The following SAMD12 variants were observed in gnomAD, a reference collection of about 807,000 sequenced individuals.
SAMD12 encodes sterile alpha motif domain-containing protein 12.
A neutral mutation model predicts 15.0 loss-of-function variants in SAMD12; 9 were observed. The ratio of observed to expected loss-of-function variants is 0.60; its 90% CI spans 0.36 to 1.05. The LOEUF (loss-of-function observed/expected upper bound fraction) is 1.05. Ranked by LOEUF, SAMD12 falls within the 50% of genes least tolerant of loss-of-function variation. The probability of loss-of-function intolerance (pLI) is 0.01; values close to 1 mark genes in which losing one functional copy is unlikely to be tolerated. For synonymous variants in SAMD12, 86 were observed against 90.1 expected (o/e 0.96, Z 0.25); for missense variants, 230 against 234.2 (o/e 0.98, Z 0.12).
chr8:118,163,515 T>C, the SAMD12 span, among the ~76,000 whole-genome samples: 1 of 152,178 alleles, frequency 6.6e-6, no homozygotes, highest in South Asian at 2.1e-4. Context: ...TAGAACCACC[T>C]GGGGGAGCGT....
chr8:118,378,617 C>T lies in SAMD12; in HGVS notation c.*800G>A, dbSNP rs1365548512. On this transcript the variant is annotated 3_prime_UTR_variant, in exon 4 of 4. Transcript: ENST00000314727. The stretch of plus-strand genomic sequence containing the variant: ...TGGCTGACCCAGATTTCTCCAATAT[C>T]GGTATGCATGCAATTACAATATTCT... 9.1e-6 allele frequency: 9 copies of T among 984,970 alleles called. No individual in the cohort carries two copies. The highest frequency in any genetic ancestry group is 1.1e-4 in the East Asian group (1 of 8,820). The allele number at this position is 984,970 out of a possible 1,614,324, so 61.0% of individuals were successfully genotyped here. A position where few individuals can be genotyped will look rare whatever the true frequency, so the allele number is the denominator to read the frequency against.
chr8:118,298,180 A>C (rs1418149941), intron 4 of SAMD12, among the ~76,000 whole-genome samples: 1 of 152,216 alleles, frequency 6.6e-6, no homozygotes, highest in Non-Finnish European at 1.5e-5. Context: ...GACATCTTTA[A>C]ACCTTTTAAC....
At chr8:118,573,900 T>C (rs893636063) in intron 2 of SAMD12, among the ~76,000 whole-genome samples, 9 of 152,208 alleles carry the variant, frequency 5.9e-5, no homozygotes, top group Non-Finnish European at 1.3e-4. Context: ...GGCATTGATA[T>C]TGCAGCAGTG....
chr8:118,584,453 G>C lies in SAMD12; in HGVS notation c.14-3560C>G, dbSNP rs543309537. Among the ~76,000 whole-genome samples, 222 of 152,048 alleles carry C rather than the reference G, an allele frequency of 1.5e-3. 1 individual carries two copies. The highest frequency in any genetic ancestry group is 4.1e-3 in the African/African-American group (171 of 41,454). ...GTTATTTACTTAATTTAATGGGCTT[G>C]GCAGCTCACTGGTCGGCTTCGAGAC... On this transcript the variant is annotated intron_variant, in intron 1 of 3. Transcript: ENST00000314727.
chr8:118,228,110 C>G (rs1388951541), intron 4 of SAMD12, among the ~76,000 whole-genome samples: 1 of 152,178 alleles, frequency 6.6e-6, no homozygotes, highest in Non-Finnish European at 1.5e-5. Context: ...GGATCCTCAT[C>G]TCTCACCTTA....
At chr8:118,287,210 C>T (rs921673601) in intron 4 of SAMD12, among the ~76,000 whole-genome samples, 2 of 151,618 alleles carry the variant, frequency 1.3e-5, no homozygotes, top group Admixed American at 6.6e-5. Flanking sequence ...CTGCAAGCTC[C>T]GCCTCCCGGG....
At chr8:118,296,706 T>C (rs530556580) in intron 4 of SAMD12, among the ~76,000 whole-genome samples, 3 of 152,352 alleles carry the variant, frequency 2.0e-5, no homozygotes, top group East Asian at 3.9e-4. Flanking sequence ...TTATCTTTAT[T>C]GTGTATTCAT....
chr8:118,312,183 C>T (rs548079813), intron 4 of SAMD12, among the ~76,000 whole-genome samples: 1 of 152,152 alleles, frequency 6.6e-6, no homozygotes, highest in Non-Finnish European at 1.5e-5. Context: ...CCCTACACAC[C>T]CTGCAGTGCT....
intron 3 of SAMD12, among the ~76,000 whole-genome samples, chr8:118,422,231 G>A (rs1822030142): frequency 6.6e-6 from 1 of 152,242 alleles, no homozygotes; most frequent in Non-Finnish European, 1.5e-5. Flanking sequence ...AACACAGCTA[G>A]AGATAGTAAG....
intron 2 of SAMD12, among the ~76,000 whole-genome samples, chr8:118,479,518 C>T (rs7837194): frequency 0.11 from 17,322 of 152,078 alleles, 1,275 homozygotes; most frequent in African/African-American, 0.2. Context: ...ATGGGGGAAA[C>T]CACACCCATG....
At chr8:118,299,323 A>G (rs1393048056) in intron 4 of SAMD12, among the ~76,000 whole-genome samples, 1 of 152,198 alleles carries the variant, frequency 6.6e-6, no homozygotes, top group African/African-American at 2.4e-5. Flanking sequence ...GTTCAGAGAA[A>G]GCAGGCAGGT....
intron 4 of SAMD12, among the ~76,000 whole-genome samples, chr8:118,300,467 A>G (rs1416959481): frequency 6.6e-6 from 1 of 152,218 alleles, no homozygotes; most frequent in Non-Finnish European, 1.5e-5. Flanking sequence ...ACAGAGAGTG[A>G]AGGACCATGC....
At chr8:118,430,668 G>A (rs75174657) in intron 3 of SAMD12, among the ~76,000 whole-genome samples, 2,833 of 152,148 alleles carry the variant, frequency 0.019, 92 homozygotes, top group African/African-American at 0.064. Context: ...ACTAATTGCC[G>A]TCTTTATTCT....
chr8:118,222,554 G>A (rs1812105775), intron 4 of SAMD12, among the ~76,000 whole-genome samples: 2 of 152,114 alleles, frequency 1.3e-5, no homozygotes, highest in Admixed American at 1.3e-4. Flanking sequence ...TGCCCAGGGT[G>A]GAGTGCAATG....
intron 2 of SAMD12, among the ~76,000 whole-genome samples, chr8:118,556,692 C>CGGTG (rs1431983800): frequency 6.6e-6 from 1 of 151,988 alleles, no homozygotes. Context: ...GGGCTGGGTG[C>CGGTG]GGTGGCTCAT....
At chr8:118,218,242 T>C (rs2061051898) in intron 4 of SAMD12, among the ~76,000 whole-genome samples, 1 of 152,194 alleles carries the variant, frequency 6.6e-6, no homozygotes, top group South Asian at 2.1e-4. Flanking sequence ...ACTTTACTAT[T>C]ATTTTCCATT....
intron 2 of SAMD12, among the ~76,000 whole-genome samples, chr8:118,533,058 T>C (rs1258895383): frequency 6.6e-6 from 1 of 152,240 alleles, no homozygotes; most frequent in African/African-American, 2.4e-5. Flanking sequence ...TCTTTCCTGC[T>C]TTCTCTTGTG....
intron 3 of SAMD12, among the ~76,000 whole-genome samples, chr8:118,414,971 G>C (rs4876411): frequency 0.92 from 140,088 of 152,244 alleles, 64,864 homozygotes; most frequent in Non-Finnish European, 0.98. Flanking sequence ...TTTTTCAAAA[G>C]ATTGTGATTA....
In SAMD12 at chr8:118,370,786, G is replaced by A. The variant is rs192607080; in HGVS notation, c.433+8774C>T. On this transcript the variant is annotated intron_variant, in intron 4 of 4. Transcript: ENST00000409003. ...ACAACACACACTGGGGCCTGTCAGG[G>A]TGGAGGGTGAGGGGAGGGAGAGCAT... Among the ~76,000 whole-genome samples the A allele has an allele frequency of 4.6e-5, 7 of 152,212 alleles. No individual in the cohort carries two copies. In the East Asian group the frequency reaches 1.4e-3, roughly 29 times the overall value.
Sources: gnomAD v4.1 joint callset for allele counts (sites outside exome capture counted in the v4.1 genomes callset) on GRCh38, gnomAD v4.1.1 for gene constraint, MANE v1.5 for transcripts, NCBI Gene and HGNC (gene_info 2026-07-23, HGNC 2026-07-21) for gene names.